Variants in BICRAL observed in about 807,000 individuals in gnomAD.
BICRAL encodes BRD4-interacting chromatin-remodeling complex-associated protein-like.
Under a neutral mutation model 91.8 loss-of-function variants are expected in BICRAL, and 8 were observed. The ratio of observed to expected loss-of-function variants is 0.09; its 90% CI spans 0.05 to 0.16. The LOEUF (loss-of-function observed/expected upper bound fraction) is 0.16, where lower values mean the gene tolerates loss of function less well. Among genes scored for constraint, BICRAL ranks in the 10% least tolerant of loss-of-function variants. BICRAL has a pLI of 1.00. For synonymous variants in BICRAL, 445 were observed against 491.1 expected (o/e 0.91, Z 1.24); for missense variants, 1,038 against 1,310.9 (o/e 0.79, Z 3.21).
At chr6:42,750,857 C>T (rs1460184145) in intron 1 of BICRAL, among the ~76,000 whole-genome samples, 1 of 127,890 alleles carries the variant, frequency 7.8e-6, no homozygotes, top group African/African-American at 2.9e-5. Context: ...GGATTACAGG[C>T]GTGAGCCACC....
In BICRAL at chr6:42,762,890, T is replaced by C. The variant is rs114907290; in HGVS notation, c.-261+15867T>C. 3.5e-3 allele frequency among the ~76,000 whole-genome samples: 528 copies of C among 150,774 alleles called. 1 individual carries two copies. The highest frequency in any genetic ancestry group is 0.012 in the African/African-American group (495 of 40,904). On this transcript the variant is annotated intron_variant, in intron 1 of 14. Coordinates refer to the BICRAL transcript ENST00000614467. ...TGCTGTGAGCCGTGATCATACCCAC[T>C]GCACTCCAGCTTGGGTAACAGAGTG...
At chr6:42,751,072 C>CT (rs575013553) in intron 1 of BICRAL, among the ~76,000 whole-genome samples, 261 of 150,732 alleles carry the variant, frequency 1.7e-3, no homozygotes, top group African/African-American at 5.8e-3. Flanking sequence ...GCCCAGTTTC[C>CT]TTTTTTTAAA....
chr6:42,858,766 G>A (rs1037235053), intron 10 of BICRAL, among the ~76,000 whole-genome samples: 4 of 151,990 alleles, frequency 2.6e-5, no homozygotes, highest in Non-Finnish European at 4.4e-5. Context: ...CCCATGAGCC[G>A]AGATCGTGCC....
intron 1 of BICRAL, among the ~76,000 whole-genome samples, chr6:42,796,270 ATGATTGTCTT>A (rs1458711158): frequency 6.6e-6 from 1 of 152,220 alleles, no homozygotes; most frequent in Non-Finnish European, 1.5e-5. Context: ...CTGGTAGGTC[ATGATTGTCTT>A]TGAGCAGAGT....
chr6:42,865,654 T>A lies in BICRAL; in HGVS notation c.*208T>A, dbSNP rs1765692648. The A allele has an allele frequency of 9.3e-6, 5 of 539,438 alleles. No homozygotes were observed. The Admixed American group carries it at 1.8e-4, about 19-fold the overall frequency. 33.4% of individuals were successfully genotyped at this position (539,438 alleles called of 1,614,324 possible). ...TCGTGATTACAGGGAGATCCTTTAG[T>A]AAAATTAATCCTTGGCAGAAAGCAG... On this transcript the variant is annotated 3_prime_UTR_variant, in exon 13 of 13. Coordinates refer to ENST00000314073, the MANE Select transcript of BICRAL (RefSeq NM_001393499.1).
upstream of BICRAL, among the ~76,000 whole-genome samples, chr6:42,780,791 G>T (rs1762888245): frequency 6.6e-6 from 1 of 152,098 alleles, no homozygotes; most frequent in South Asian, 2.1e-4. Context: ...AGGCTAGAGT[G>T]CAATGCGCGA....
chr6:42,787,706 T>G (rs1407207173), intron 1 of BICRAL, among the ~76,000 whole-genome samples: 1 of 152,142 alleles, frequency 6.6e-6, no homozygotes, highest in Admixed American at 6.5e-5. Flanking sequence ...GAAATGTCTA[T>G]TTGGATTTGA....
chr6:42,841,786 G>C (rs1202148678), intron 6 of BICRAL, among the ~76,000 whole-genome samples: 1 of 152,096 alleles, frequency 6.6e-6, no homozygotes, highest in Admixed American at 6.5e-5. Flanking sequence ...AATTACGTTG[G>C]AGCTACATGT....
At chr6:42,803,017 T>A (rs1410799013) in intron 1 of BICRAL, among the ~76,000 whole-genome samples, 2 of 152,226 alleles carry the variant, frequency 1.3e-5, no homozygotes, top group Non-Finnish European at 2.9e-5. Flanking sequence ...TGTAGAGTTG[T>A]CTTTTCTTTA....
Position 42,829,349 on chromosome 6 carries a change from A to G in BICRAL, c.1016A>G (p.Gln339Arg). The change falls in exon 6 of 13, where the codon CAA becomes CGA. Residue 339 changes from glutamine to arginine, a missense_variant. Around this residue, in one of 5 missense-constraint regions of BICRAL, gnomAD observed 532 missense variants for 724.9 expected, o/e 0.73. Transcript: ENST00000314073. ...NNLGIQQHHV[Q>R]QGISFASASS... is the part of the protein sequence containing the mutation. ...TTGGGAATTCAGCAGCACCACGTAC[A>G]ACAAGGGATCTCTTTTGCTTCTGCA... is the stretch of plus-strand genomic sequence containing the variant. The G allele has an allele frequency of 6.2e-7, 1 of 1,614,244 alleles. No homozygotes were observed. The highest frequency in any genetic ancestry group is 1.1e-5 in the South Asian group (1 of 91,090).
rs143003258 is a variant in BICRAL at position 42,865,265 on chromosome 6, C to A, written c.3059C>A (p.Ala1020Glu). The A allele has an allele frequency of 6.2e-7, 1 of 1,614,068 alleles. No individual in the cohort carries two copies. Among genetic ancestry groups the A allele is most frequent in the Non-Finnish European group, 8.5e-7 (1 of 1,179,958 alleles). Residue 1020 changes from alanine (A) to glutamate (E), a missense_variant, in exon 13 of 13, where the codon GCG becomes GAG. Physicochemically the swap from Ala to Glu is moderately radical, Grantham distance 107. This residue lies in a region of BICRAL where 92 missense variants were observed against 147.8 expected (regional missense o/e 0.62). Coordinates refer to ENST00000314073, the MANE Select transcript of BICRAL (RefSeq NM_001393499.1). ...TFKNILELKK[A>E]GRQPQSDPTV... ...AAGAACATCTTGGAACTCAAAAAGGCGGGACGGCAGCCCCAGAGTGACCCC... is the reference window on the plus strand; with the variant it reads ...AAGAACATCTTGGAACTCAAAAAGGAGGGACGGCAGCCCCAGAGTGACCCC...
intron 2 of BICRAL, among the ~76,000 whole-genome samples, chr6:42,816,183 CCT>C (rs1254253358): frequency 6.0e-5 from 9 of 149,760 alleles, no homozygotes; most frequent in Non-Finnish European, 1.3e-4. Context: ...CATAGTGAGA[CCT>C]CGTCTCTACC....
In BICRAL at chr6:42,817,967, T is replaced by TAAAAA. The variant is rs11396430; in HGVS notation, c.-5-4036_-5-4032dup. On this transcript the variant is annotated intron_variant, in intron 2 of 12. Coordinates refer to ENST00000314073, the MANE Select transcript of BICRAL (RefSeq NM_001393499.1). Reference sequence around the variant, plus strand: ...GGGCAACATAGAGAGACCCTATCTCTAAAAAAAAAAAAAAAAAAAGTGAGT... The same window carrying TAAAAA: ...GGGCAACATAGAGAGACCCTATCTCTAAAAAAAAAAAAAAAAAAAAAAAAGTGAGT... 3.7e-5 allele frequency among the ~76,000 whole-genome samples: 4 copies of TAAAAA among 107,238 alleles called. No individual in the cohort carries two copies. The East Asian group carries it at 7.9e-4, about 21-fold the overall frequency. The allele number at this position is 107,238 out of a possible 152,430, so 70.4% of individuals were successfully genotyped here.
chr6:42,855,759 T>C (rs1359449324), intron 8 of BICRAL, 97 bp from the exon 9 acceptor site: 4 of 912,964 alleles, frequency 4.4e-6, no homozygotes, highest in East Asian at 2.5e-5. Context: ...ATGTTCTTGA[T>C]AGGTAGTTGA....
chr6:42,751,691 C>G (rs1420479317), intron 1 of BICRAL, among the ~76,000 whole-genome samples: 4 of 146,540 alleles, frequency 2.7e-5, no homozygotes, highest in African/African-American at 1.0e-4. Flanking sequence ...GAGTTTTGCC[C>G]TTGTTGCCCA....
In BICRAL at chr6:42,822,870, A is replaced by T. The variant is rs945141680; in HGVS notation, c.90+26A>T. ...GTAAGTAATGCATAGAATACCACAGACATCTATTTTGTTTCTGCTTTACAG... is the reference window on the plus strand; with the variant it reads ...GTAAGTAATGCATAGAATACCACAGTCATCTATTTTGTTTCTGCTTTACAG... On this transcript the variant is annotated intron_variant, in intron 4 of 12. Coordinates refer to ENST00000314073, the MANE Select transcript of BICRAL (RefSeq NM_001393499.1). The T allele has an allele frequency of 2.6e-6, 4 of 1,516,536 alleles. No homozygotes were observed. In the African/African-American group the frequency reaches 5.5e-5, roughly 21 times the overall value. 93.9% of individuals were successfully genotyped at this position (1,516,536 alleles called of 1,614,324 possible).
chr6:42,764,741 G>A (rs1286745368), intron 1 of BICRAL, among the ~76,000 whole-genome samples: 2 of 151,980 alleles, frequency 1.3e-5, no homozygotes, highest in Admixed American at 1.3e-4. Flanking sequence ...TCACTTGCAA[G>A]CTCTGCCTCC....
At chr6:42,824,237 T>TA (rs1466326829) in intron 5 of BICRAL, among the ~76,000 whole-genome samples, 1 of 135,864 alleles carries the variant, frequency 7.4e-6, no homozygotes, top group Non-Finnish European at 1.6e-5. Flanking sequence ...CTCAAAAAAA[T>TA]AAAAAAAATA....
chr6:42,852,019 G>T (rs1582873522), intron 6 of BICRAL, 73 bp from the exon 7 acceptor site: 9 of 896,394 alleles, frequency 1.0e-5, no homozygotes, highest in Admixed American at 4.5e-5. Context: ...GAAGAGGCTT[G>T]GTTGGTATTT....
Sources: allele counts gnomAD v4.1 joint callset (sites outside exome capture counted in the v4.1 genomes callset), GRCh38; gene constraint gnomAD v4.1.1; regional missense constraint gnomAD v4.1.1; transcripts MANE v1.5; gene names NCBI Gene and HGNC (gene_info 2026-07-23, HGNC 2026-07-21).